ICA1L: variants seen among roughly 807,000 people sequenced by gnomAD.
The protein encoded by ICA1L is islet cell autoantigen 1-like protein.
ICA1L carries 50 observed loss-of-function variants against 61.3 expected under a neutral mutation model. The ratio of observed to expected loss-of-function variants is 0.82; its 90% confidence interval spans 0.65 to 1.03. The LOEUF (loss-of-function observed/expected upper bound fraction) is 1.03, where lower values mean the gene tolerates loss of function less well. Among genes scored for constraint, ICA1L ranks in the 50% least tolerant of loss-of-function variants. The pLI is 0.00. For synonymous variants in ICA1L, 161 were observed against 191.3 expected (o/e 0.84, Z 1.31); for missense variants, 508 against 556.7 (o/e 0.91, Z 0.88).
intron 1 of ICA1L, among the ~76,000 whole-genome samples, chr2:202,856,659 G>A (rs994683844): frequency 4.6e-5 from 7 of 152,000 alleles, no homozygotes; most frequent in Non-Finnish European, 2.9e-5. Context: ...AGAAATAAAG[G>A]GTATTCAAAT....
At chr2:202,790,814 C>A (rs1692724421) in intron 10 of ICA1L, among the ~76,000 whole-genome samples, 1 of 152,158 alleles carries the variant, frequency 6.6e-6, no homozygotes, top group Admixed American at 6.5e-5. Context: ...CCGTCACTCT[C>A]CTCAGCTCCT....
intron 10 of ICA1L, among the ~76,000 whole-genome samples, chr2:202,793,959 C>T (rs1692836819): frequency 6.9e-6 from 1 of 144,888 alleles, no homozygotes; most frequent in African/African-American, 2.6e-5. Context: ...GTGCTCCAGC[C>T]GGGGCAACGA....
In ICA1L at chr2:202,774,338, A is replaced by G; in HGVS notation, c.*5195T>C. On this transcript the variant is annotated 3_prime_UTR_variant, in exon 13 of 13. Transcript: ENST00000358299. The stretch of plus-strand genomic sequence containing the variant: ...GCGCGTTCCCCGCAGCGCTGAGGCG[A>G]GCCTGCCGCGCGCTCCGCTCAGCGT... 7.1e-7 allele frequency: 1 copy of G among 1,407,918 alleles called. No individual in the cohort carries two copies. The highest frequency in any genetic ancestry group is 9.2e-7 in the Non-Finnish European group (1 of 1,089,684). 87.2% of individuals were successfully genotyped at this position (1,407,918 alleles called of 1,614,324 possible).
chr2:202,810,949 G>A (rs1034695478), intron 9 of ICA1L, among the ~76,000 whole-genome samples: 3 of 152,258 alleles, frequency 2.0e-5, no homozygotes, highest in African/African-American at 7.2e-5. Context: ...CTCAAACCGT[G>A]TCTCTGATAA....
chr2:202,802,398 T>C (rs1004656635), intron 9 of ICA1L, among the ~76,000 whole-genome samples: 12 of 152,098 alleles, frequency 7.9e-5, no homozygotes, highest in African/African-American at 2.9e-4. Flanking sequence ...AGAGACTATT[T>C]TTAAAGATAA....
chr2:202,813,356 A>G (rs1055651643), intron 8 of ICA1L, among the ~76,000 whole-genome samples: 3 of 152,200 alleles, frequency 2.0e-5, no homozygotes, highest in African/African-American at 7.2e-5. Flanking sequence ...AAGTTAGCAA[A>G]AAAAATTGGT....
At position 202,853,193 on chromosome 2, in the gene ICA1L, C is replaced by A. The variant is rs1694679150; in HGVS notation, c.-8+18426G>T. 2.0e-5 allele frequency among the ~76,000 whole-genome samples: 3 copies of A among 151,950 alleles called. No individual in the cohort carries two copies. The South Asian group carries it at 6.2e-4, about 32-fold the overall frequency. On this transcript the variant is annotated intron_variant, in intron 1 of 12. Coordinates refer to ENST00000358299, the MANE Select transcript of ICA1L (RefSeq NM_001288622.3). ...CTAACATGATGAAACCCCGTCTCTA[C>A]TAAAAATACAAAAATTAGCTGGGCG... is the stretch of plus-strand genomic sequence containing the variant.
At chr2:202,836,770 A>C (rs1049821458) in intron 1 of ICA1L, among the ~76,000 whole-genome samples, 2 of 84,406 alleles carry the variant, frequency 2.4e-5, no homozygotes, top group Non-Finnish European at 5.9e-5. Flanking sequence ...CTTTTAGGTT[A>C]TACAATTTGT....
At chr2:202,836,286 G>A (rs1018553203) in intron 1 of ICA1L, among the ~76,000 whole-genome samples, 3 of 152,088 alleles carry the variant, frequency 2.0e-5, no homozygotes, top group Admixed American at 6.5e-5. Flanking sequence ...TAAAGTTTTT[G>A]TCCTTTATTC....
At chr2:202,868,590 TAAA>T (rs2105895156) in intron 1 of ICA1L, among the ~76,000 whole-genome samples, 1 of 152,296 alleles carries the variant, frequency 6.6e-6, no homozygotes, top group South Asian at 2.1e-4. Context: ...AGCATTGTAA[TAAA>T]AAACTAGAAA....
In ICA1L at chr2:202,774,369, G is replaced by C. The variant is rs1195209482; in HGVS notation, c.*5164C>G. The C allele has an allele frequency of 2.1e-5, 28 of 1,312,644 alleles. No homozygotes were observed. The highest frequency in any genetic ancestry group is 2.5e-5 in the Non-Finnish European group (26 of 1,026,894). The allele number at this position is 1,312,644 out of a possible 1,614,324, so 81.3% of individuals were successfully genotyped here. ...CCGCGCGCTCCGCTCAGCGTGGTCT[G>C]GCAGCCGGAGACCAGGCCTCACTGC... On this transcript the variant is annotated 3_prime_UTR_variant, in exon 13 of 13. Transcript: ENST00000358299.
At chr2:202,820,900 C>G (rs1046336413) in intron 4 of ICA1L, among the ~76,000 whole-genome samples, 3 of 152,046 alleles carry the variant, frequency 2.0e-5, no homozygotes, top group African/African-American at 7.2e-5. Flanking sequence ...CAGTAGGTAT[C>G]ATTATATTAG....
At chr2:202,829,041 A>G (rs1693935077) in intron 1 of ICA1L, 25 bp from the exon 2 acceptor site, 1 of 1,510,004 alleles carries the variant, frequency 6.6e-7, no homozygotes, top group Admixed American at 2.4e-5. Flanking sequence ...CTAAAATTAA[A>G]CTTCTTTTAA....
At chr2:202,803,400 C>CAAAAA (rs71030990) in intron 9 of ICA1L, among the ~76,000 whole-genome samples, 8 of 60,652 alleles carry the variant, frequency 1.3e-4, no homozygotes, top group East Asian at 4.0e-4. Context: ...GACTCGATCT[C>CAAAAA]AAAAAAAAAA....
chr2:202,853,221 G>A (rs1404761581), intron 1 of ICA1L, among the ~76,000 whole-genome samples: 2 of 151,942 alleles, frequency 1.3e-5, no homozygotes, highest in Non-Finnish European at 2.9e-5. Context: ...GCTGGGCGTA[G>A]TGGCGGGCAC....
intron 10 of ICA1L, among the ~76,000 whole-genome samples, chr2:202,795,073 CTTTTT>C (rs59752090): frequency 3.1e-5 from 3 of 97,066 alleles, no homozygotes; most frequent in Non-Finnish European, 4.0e-5. Context: ...GTTTCCTTTT[CTTTTT>C]TTTTTTTTTT....
chr2:202,802,892 A>G (rs1213896967), intron 9 of ICA1L, among the ~76,000 whole-genome samples: 3 of 152,186 alleles, frequency 2.0e-5, no homozygotes, highest in East Asian at 1.9e-4. Flanking sequence ...TTTTAAAACA[A>G]ATGAAAAAAA....
At chr2:202,833,192 A>G (rs114223692) in intron 1 of ICA1L, among the ~76,000 whole-genome samples, 32 of 152,334 alleles carry the variant, frequency 2.1e-4, no homozygotes, top group African/African-American at 7.2e-4. Context: ...ATAAAAACAA[A>G]AAAAAGTCAG....
At chr2:202,801,867 T>C (rs1216280274) in intron 9 of ICA1L, among the ~76,000 whole-genome samples, 1 of 152,246 alleles carries the variant, frequency 6.6e-6, no homozygotes, top group Non-Finnish European at 1.5e-5. Context: ...TGAGTATTCC[T>C]TGACTCTGGG....
Sources: allele counts gnomAD v4.1 joint callset (sites outside exome capture counted in the v4.1 genomes callset), GRCh38; gene constraint gnomAD v4.1.1; transcripts MANE v1.5; gene names NCBI Gene and HGNC (gene_info 2026-07-23, HGNC 2026-07-21).